Variants in TECPR2 observed in about 807,000 individuals in gnomAD.
TECPR2 encodes tectonin beta-propeller repeat containing 2.
A neutral mutation model predicts 138.1 loss-of-function variants in TECPR2; 65 were observed. That is an observed-to-expected ratio of 0.47 (90% CI 0.39 to 0.58). TECPR2 has a LOEUF of 0.58. Among genes scored for constraint, TECPR2 ranks in the 20% least tolerant of loss-of-function variants. TECPR2 has a pLI of 0.00. For synonymous variants in TECPR2, 746 were observed against 749.8 expected, an observed-to-expected ratio of 0.99 and a Z score of 0.08; for missense variants, 1,553 against 1,824.5, an observed-to-expected ratio of 0.85 and a Z score of 2.71.
intron 16 of TECPR2, among the ~76,000 whole-genome samples, 187 bp downstream of exon 16, chr14:102,452,814 G>T (rs1890181103): frequency 6.6e-6 from 1 of 152,168 alleles, no homozygotes; most frequent in African/African-American, 2.4e-5. Context: ...TCTGGGTTTT[G>T]TCCCTTCCCC....
At chr14:102,489,121 A>G (rs1413096406) in intron 17 of TECPR2, among the ~76,000 whole-genome samples, 1 of 151,016 alleles carries the variant, frequency 6.6e-6, no homozygotes, top group African/African-American at 2.4e-5. Flanking sequence ...ACCTCAAGTG[A>G]TCTGCCCACC....
Position 102,451,075 on chromosome 14 carries a change from A to T in TECPR2, c.3406+426A>T, listed in dbSNP as rs542529143. 3.3e-5 allele frequency among the ~76,000 whole-genome samples: 5 copies of T among 152,268 alleles called. No individual in the cohort carries two copies. The East Asian group carries it at 9.7e-4, about 29-fold the overall frequency. On this transcript the variant is annotated intron_variant, in intron 15 of 19. Coordinates refer to ENST00000359520, the MANE Select transcript of TECPR2 (RefSeq NM_014844.5). The stretch of plus-strand genomic sequence containing the variant: ...CGGATAACCTAAGTCCGACATTTGC[A>T]CCGCATTAGGCAGACCTGCCCTGCA...
At chr14:102,424,952 TTC>T (rs771320734) in intron 5 of TECPR2, 25 bp from the exon 6 acceptor site, 1 of 1,579,000 alleles carries the variant, frequency 6.3e-7, no homozygotes, top group Admixed American at 1.8e-5. Context: ...CTGTTTTTTG[TTC>T]TTTCTTTCTT....
At chr14:102,488,163 GT>G (rs1487258763) in intron 17 of TECPR2, among the ~76,000 whole-genome samples, 1 of 151,690 alleles carries the variant, frequency 6.6e-6, no homozygotes, top group Non-Finnish European at 1.5e-5. Flanking sequence ...TTTTTATGAA[GT>G]TTTTAATATG....
intron 17 of TECPR2, among the ~76,000 whole-genome samples, chr14:102,483,429 G>A (rs116103862): frequency 0.014 from 1,936 of 139,490 alleles, 48 homozygotes; most frequent in African/African-American, 0.051. Flanking sequence ...TTTTGTTGTT[G>A]TGGGGTTTTG....
In TECPR2 at chr14:102,499,169, A is replaced by C. The variant is rs190911716; in HGVS notation, c.*912A>C. The C allele has an allele frequency of 2.4e-4, 172 of 703,068 alleles. 2 individuals are homozygous for C. The African/African-American group carries it at 2.7e-3, about 11-fold the overall frequency. 43.6% of individuals were successfully genotyped at this position (703,068 alleles called of 1,614,324 possible). On this transcript the variant is annotated 3_prime_UTR_variant, in exon 20 of 20. Transcript: ENST00000359520. The stretch of plus-strand genomic sequence containing the variant: ...GGATGTGTGCACGTGTGTCCCAGGT[A>C]GGGACGGCACAGGAGGGTGCATGGG...
chr14:102,452,455 A>G lies in TECPR2; in HGVS notation c.3468A>G (p.Ala1156=). The change falls in exon 16 of 20, where the codon GCA becomes GCG. Residue 1156 remains alanine, a synonymous_variant. Coordinates refer to ENST00000359520, the MANE Select transcript of TECPR2 (RefSeq NM_014844.5). ...KDLCSVSAQS[A]QSRPSTVQLP... ...TGTGCAGCGTCAGCGCCCAGAGCGC[A>G]CAGTCGCGGCCCTCCACGGTGCAGC... The G allele has an allele frequency of 6.2e-7, 1 of 1,613,750 alleles. No homozygotes were observed. Among genetic ancestry groups the G allele is most frequent in the Non-Finnish European group, 8.5e-7 (1 of 1,179,896 alleles).
chr14:102,417,154 CAAAT>C (rs1889047488), intron 5 of TECPR2, among the ~76,000 whole-genome samples: 1 of 152,172 alleles, frequency 6.6e-6, no homozygotes, highest in South Asian at 2.1e-4. Flanking sequence ...GATGCAGAAA[CAAAT>C]AAATGTGTCC....
chr14:102,422,894 G>A (rs1041874000), intron 5 of TECPR2, among the ~76,000 whole-genome samples: 2 of 152,170 alleles, frequency 1.3e-5, no homozygotes, highest in Non-Finnish European at 2.9e-5. Context: ...AGTCATTGAC[G>A]GACTGCATGT....
intron 2 of TECPR2, among the ~76,000 whole-genome samples, chr14:102,406,727 G>A (rs896170741): frequency 1.3e-5 from 2 of 152,158 alleles, no homozygotes; most frequent in African/African-American, 4.8e-5. Flanking sequence ...TGGGGCACAC[G>A]TCTGTAGTCC....
At chr14:102,463,416 CAAAAA>C (rs550694466) in intron 16 of TECPR2, among the ~76,000 whole-genome samples, 1 of 38,534 alleles carries the variant, frequency 2.6e-5, no homozygotes, top group Non-Finnish European at 5.6e-5. Flanking sequence ...GACTCCGTCT[CAAAAA>C]AAAAAAAAAA....
intron 1 of TECPR2, among the ~76,000 whole-genome samples, chr14:102,375,057 T>A (rs1230930477): frequency 6.6e-6 from 1 of 152,092 alleles, no homozygotes; most frequent in African/African-American, 2.4e-5. Context: ...ACACGGTGGC[T>A]CACACCTGTA....
In TECPR2 at chr14:102,472,336, G is replaced by C. The variant is rs893708569; in HGVS notation, c.3789+7047G>C. ...ATGTAGACTCTAGAATAACCTCTAG[G>C]AAGCAAAGCTAAAATGGGGAAGAGA... is the stretch of plus-strand genomic sequence containing the variant. On this transcript the variant is annotated intron_variant, in intron 17 of 19. Transcript: ENST00000359520. Among the ~76,000 whole-genome samples, 7 of 152,192 alleles carry C rather than the reference G, an allele frequency of 4.6e-5. 1 individual carries two copies. The highest frequency in any genetic ancestry group is 8.8e-5 in the Non-Finnish European group (6 of 68,040).
At chr14:102,427,814 T>A (rs1889364119) in intron 6 of TECPR2, among the ~76,000 whole-genome samples, 1 of 152,114 alleles carries the variant, frequency 6.6e-6, no homozygotes, top group African/African-American at 2.4e-5. Context: ...GCCCTGGGTG[T>A]TGCAGCAGAG....
intron 17 of TECPR2, among the ~76,000 whole-genome samples, chr14:102,492,613 A>G (rs1371068157): frequency 1.3e-5 from 2 of 152,240 alleles, no homozygotes; most frequent in Non-Finnish European, 2.9e-5. Context: ...CCTCCTCAGC[A>G]TCGGGCTGGG....
intron 7 of TECPR2, among the ~76,000 whole-genome samples, chr14:102,429,493 A>G (rs1041664770): frequency 2.0e-5 from 3 of 152,146 alleles, no homozygotes; most frequent in African/African-American, 7.2e-5. Flanking sequence ...TACAAGCCCA[A>G]ATTTTAATGA....
At chr14:102,382,307 A>G (rs1405576460) in intron 2 of TECPR2, among the ~76,000 whole-genome samples, 2 of 152,102 alleles carry the variant, frequency 1.3e-5, no homozygotes, top group Non-Finnish European at 2.9e-5. Context: ...AAAAAAAAAG[A>G]AAGAAAGTTG....
chr14:102,437,702 C>T (rs1039089949), intron 9 of TECPR2, among the ~76,000 whole-genome samples: 1 of 152,118 alleles, frequency 6.6e-6, no homozygotes, highest in Non-Finnish European at 1.5e-5. Flanking sequence ...GTGAGGTATG[C>T]CTGCAGAATA....
rs1890525713 is a variant in TECPR2 at position 102,465,163 on chromosome 14, G to A, written c.3663G>A (p.Leu1221=). The change falls in exon 17 of 20, where the codon TTG becomes TTA. Residue 1221 remains leucine, a synonymous_variant. Coordinates refer to ENST00000359520, the MANE Select transcript of TECPR2 (RefSeq NM_014844.5). ...SQLGAVKLTS[L]ACGNQHIWAC... is the part of the protein sequence containing the mutation. ...CAGGAGCTGTAAAATTGACAAGCTT[G>A]GCATGTGGAAATCAGCACATCTGGG... The A allele has an allele frequency of 1.9e-6, 3 of 1,614,200 alleles. No individual in the cohort carries two copies. Among genetic ancestry groups the A allele is most frequent in the Non-Finnish European group, 2.5e-6 (3 of 1,180,042 alleles).
Sources: gnomAD v4.1 joint callset for allele counts (sites outside exome capture counted in the v4.1 genomes callset) on GRCh38, gnomAD v4.1.1 for gene constraint, MANE v1.5 for transcripts, NCBI Gene and HGNC (gene_info 2026-07-23, HGNC 2026-07-21) for gene names.